Variants in CDKL2 observed in about 807,000 individuals in gnomAD.
CDKL2 encodes cyclin-dependent kinase-like 2.
CDKL2 carries 64 observed loss-of-function variants against 63.9 expected under a neutral mutation model. The observed-to-expected ratio is 1.00, with a 90% CI of 0.82 to 1.23. CDKL2 has a LOEUF of 1.23. Ranked by LOEUF, CDKL2 falls within the 50% of genes most tolerant of loss-of-function variation. CDKL2 has a pLI of 0.00. For synonymous variants in CDKL2, 211 were observed against 229.2 expected (o/e 0.92, Z 0.72); for missense variants, 656 against 668.0 (o/e 0.98, Z 0.20).
At position 75,591,763 on chromosome 4, in the gene CDKL2, TAGTA is replaced by T. The variant is rs72207728; in HGVS notation, c.1647+52_1647+55del. 5.4e-3 allele frequency: 6,016 copies of T among 1,117,072 alleles called. 218 individuals carry two copies. In the African/African-American group the frequency reaches 0.079, roughly 15 times the overall value. The allele number at this position is 1,117,072 out of a possible 1,614,324, so 69.2% of individuals were successfully genotyped here. A position where few individuals can be genotyped will look rare whatever the true frequency, so the allele number is the denominator to read the frequency against. On this transcript the variant is annotated intron_variant, in intron 12 of 13. Coordinates refer to ENST00000307465, the MANE Select transcript of CDKL2 (RefSeq NM_001330724.2). ...GCAAACTCTCCCTAAAATACTTTAC[TAGTA>T]AGTAAGAGAGAGACCCGAGTTCTGT...
intron 13 of CDKL2, among the ~76,000 whole-genome samples, chr4:75,581,065 C>G (rs1728242652): frequency 6.6e-6 from 1 of 152,154 alleles, no homozygotes; most frequent in African/African-American, 2.4e-5. Context: ...TAGCACTGAT[C>G]TCTCTTTATT....
chr4:75,607,442 T>C, intron 3 of CDKL2, 81 bp from the exon 4 acceptor site: 2 of 1,069,040 alleles, frequency 1.9e-6, no homozygotes, highest in South Asian at 1.8e-5. Flanking sequence ...GCATTGTATG[T>C]TGTCCCTATA....
chr4:75,581,602 C>G (rs1012173648), intron 13 of CDKL2, among the ~76,000 whole-genome samples: 5 of 152,310 alleles, frequency 3.3e-5, no homozygotes, highest in African/African-American at 9.6e-5. Context: ...AGTTTAAGAG[C>G]AAGAGATGTA....
rs146221596 is a variant in CDKL2, at chr4:75,596,326, G to A, written c.1337C>T (p.Thr446Ile). The A allele has an allele frequency of 5.6e-6, 9 of 1,605,550 alleles. No homozygotes were observed. Among genetic ancestry groups the A allele is most frequent in the South Asian group, 2.2e-5 (2 of 90,868 alleles). ...AACAAATGGAATAGAACACTTCTTAGTTTTCTCATCCACTCTGTAACGACA... is the reference window on the plus strand; with the variant it reads ...AACAAATGGAATAGAACACTTCTTAATTTTCTCATCCACTCTGTAACGACA... The part of the protein sequence containing the change: ...PIQGYRVDEK[T>I]KKCSIPFVKP... The change falls in exon 10 of 14, where the codon ACT becomes ATT. Residue 446 changes from threonine (T) to isoleucine (I), a missense_variant. Physicochemically the swap from Thr to Ile is moderately conservative, Grantham distance 89. Coordinates refer to ENST00000307465, the MANE Select transcript of CDKL2 (RefSeq NM_001330724.2).
In CDKL2 at chr4:75,596,269, T is replaced by G. The variant is rs1728928611; in HGVS notation, c.1394A>C (p.Tyr465Ser). The G allele has an allele frequency of 6.2e-7, 1 of 1,609,486 alleles. No homozygotes were observed. ...TACTAATGTGGTCACATTAATGTTA[T>G]AAATGCCTGATGGGGAATGTCTGTT... is the stretch of plus-strand genomic sequence containing the variant. ...KPNRHSPSGI[Y>S]NINVTTLVSS... Residue 465 changes from tyrosine to serine, a missense_variant, in exon 10 of 14, where the codon TAT becomes TCT. Transcript: ENST00000307465.
intron 10 of CDKL2, among the ~76,000 whole-genome samples, chr4:75,594,586 C>T (rs553726753): frequency 6.6e-6 from 1 of 151,334 alleles, no homozygotes; most frequent in Non-Finnish European, 1.5e-5. Flanking sequence ...AGTATATAGA[C>T]GATGTCAGGT....
chr4:75,598,221 AAATAT>A lies in CDKL2; in HGVS notation c.885-14_885-10del. 1 of 1,333,474 alleles carries A rather than the reference AAATAT, an allele frequency of 7.5e-7. No individual in the cohort carries two copies. Among genetic ancestry groups the A allele is most frequent in the Non-Finnish European group, 1.0e-6 (1 of 978,890 alleles). The allele number at this position is 1,333,474 out of a possible 1,614,324, so 82.6% of individuals were successfully genotyped here. A position where few individuals can be genotyped will look rare whatever the true frequency, so the allele number is the denominator to read the frequency against. ...GTAGTTCTTGGGAAAACCTACATAA[AAATAT>A]AATAAAATAAAATTGTAAGACATGG... On this transcript the variant is annotated splice_polypyrimidine_tract_variant and intron_variant, in intron 7 of 13. Transcript: ENST00000307465.
chr4:75,609,330 G>C (rs1358852005), intron 3 of CDKL2, among the ~76,000 whole-genome samples: 1 of 151,980 alleles, frequency 6.6e-6, no homozygotes, highest in African/African-American at 2.4e-5. Flanking sequence ...AATCTGGCCA[G>C]GTGCGGTGGC....
rs187134250 is a variant in CDKL2, at chr4:75,618,404, G to A, written c.169-3955C>T. 2.4e-4 allele frequency among the ~76,000 whole-genome samples: 37 copies of A among 151,158 alleles called. No individual in the cohort carries two copies. The East Asian group carries it at 7.0e-3, about 28-fold the overall frequency. ...CGAATAGCTGGGATTACAGACATGC[G>A]CCACCATGCCCAGCTAATTTTGTAT... On this transcript the variant is annotated intron_variant, in intron 2 of 13. Coordinates refer to ENST00000307465, the MANE Select transcript of CDKL2 (RefSeq NM_001330724.2).
intron 13 of CDKL2, among the ~76,000 whole-genome samples, chr4:75,580,424 G>T (rs569652141): frequency 6.6e-6 from 1 of 152,056 alleles, no homozygotes; most frequent in Admixed American, 6.5e-5. Flanking sequence ...CCAGCACTTA[G>T]GGAGGCCAAG....
chr4:75,596,156 A>C, intron 10 of CDKL2, 91 bp downstream of exon 10: 1 of 762,224 alleles, frequency 1.3e-6, no homozygotes, highest in South Asian at 1.7e-5. Context: ...TCCAAACAAA[A>C]TTCTCAATAC....
chr4:75,626,094 C>G (rs765466070), intron 1 of CDKL2, 77 bp from the exon 2 acceptor site: 16 of 903,706 alleles, frequency 1.8e-5, no homozygotes, highest in Non-Finnish European at 2.4e-5. Context: ...TTAATTCTTC[C>G]CTGCTTGTTT....
At chr4:75,617,422 A>G (rs762010378) in intron 2 of CDKL2, among the ~76,000 whole-genome samples, 2 of 152,202 alleles carry the variant, frequency 1.3e-5, no homozygotes, top group Non-Finnish European at 2.9e-5. Context: ...TAGCTGAAGC[A>G]ACTAACTCAC....
intron 12 of CDKL2, among the ~76,000 whole-genome samples, chr4:75,586,351 G>A (rs190371421): frequency 5.3e-5 from 8 of 151,370 alleles, no homozygotes; most frequent in African/African-American, 1.7e-4. Flanking sequence ...TCAGCCTCCC[G>A]AGTAGCTGGG....
At chr4:75,590,761 G>A (rs866010427) in intron 12 of CDKL2, among the ~76,000 whole-genome samples, 6 of 152,210 alleles carry the variant, frequency 3.9e-5, no homozygotes, top group Admixed American at 6.5e-5. Context: ...AAGCATCACC[G>A]TGGATAAAGA....
chr4:75,619,844 T>C (rs1238026944), intron 2 of CDKL2, among the ~76,000 whole-genome samples: 2 of 152,170 alleles, frequency 1.3e-5, no homozygotes, highest in South Asian at 2.1e-4. Context: ...ATAAAAATTG[T>C]CTGTGGAGAA....
chr4:75,591,950 A>G lies in CDKL2; in HGVS notation c.1541-25T>C, dbSNP rs370418562. On this transcript the variant is annotated intron_variant, in intron 11 of 13. Transcript: ENST00000307465. ...GCTAGATAGAAATGACCATAAACAC[A>G]GTGAAAATATTAGACATTTTGTTAG... is the stretch of plus-strand genomic sequence containing the variant. The G allele has an allele frequency of 6.0e-6, 9 of 1,501,246 alleles. No individual in the cohort carries two copies. The East Asian group carries it at 1.2e-4, about 20-fold the overall frequency. The allele number at this position is 1,501,246 out of a possible 1,614,324, so 93.0% of individuals were successfully genotyped here. A position where few individuals can be genotyped will look rare whatever the true frequency, so the allele number is the denominator to read the frequency against.
In CDKL2 at chr4:75,607,324, A is replaced by G; in HGVS notation, c.401T>C (p.Val134Ala). 2 of 1,614,016 alleles carry G rather than the reference A, an allele frequency of 1.2e-6. No homozygotes were observed. The highest frequency in any genetic ancestry group is 1.7e-6 in the Non-Finnish European group (2 of 1,179,904). The change falls in exon 4 of 14, where the codon GTC (valine) becomes GCC (alanine). Residue 134 changes from valine (V) to alanine (A), a missense_variant. By Grantham distance (64) the Val-to-Ala change is moderately conservative. Coordinates refer to ENST00000307465, the MANE Select transcript of CDKL2 (RefSeq NM_001330724.2). Reference protein sequence around the residue: ...HRDIKPENILVSQSGVVKLCD... With the variant: ...HRDIKPENILASQSGVVKLCD... ...TAGCTTGACAACGCCAGACTGGGAG[A>G]CTAATATATTCTCTGGCTTTATATC...
intron 13 of CDKL2, among the ~76,000 whole-genome samples, chr4:75,579,387 C>A (rs1728159394): frequency 6.6e-6 from 1 of 152,132 alleles, no homozygotes; most frequent in Non-Finnish European, 1.5e-5. Context: ...AACTATCTTG[C>A]GTATGGCTGG....
Sources: allele counts gnomAD v4.1 joint callset (sites outside exome capture counted in the v4.1 genomes callset), GRCh38; gene constraint gnomAD v4.1.1; transcripts MANE v1.5; gene names NCBI Gene and HGNC (gene_info 2026-07-23, HGNC 2026-07-21).